The following TESK2 variants were observed in gnomAD, a reference collection of about 807,000 sequenced individuals.
The protein encoded by TESK2 is testis associated actin remodelling kinase 2.
Under a neutral mutation model 57.1 loss-of-function variants are expected in TESK2, and 39 were observed. The observed-to-expected ratio is 0.68, with a 90% CI of 0.53 to 0.89. The LOEUF (loss-of-function observed/expected upper bound fraction) is 0.89. Among genes scored for constraint, TESK2 ranks in the 40% least tolerant of loss-of-function variants. TESK2 has a pLI of 0.00. For synonymous variants in TESK2, 249 were observed against 267.9 expected (o/e 0.93, Z 0.69); for missense variants, 646 against 732.1 (o/e 0.88, Z 1.36).
Position 45,463,528 on chromosome 1 carries a change from T to A in TESK2, c.-86-5657A>T, listed in dbSNP as rs200899039. Reference sequence around the variant, plus strand: ...GTTGAAAATGAGTTCACTGTAGGTATATGGATTTATTTCTGGGTTCTCTAT... The same window carrying A: ...GTTGAAAATGAGTTCACTGTAGGTAAATGGATTTATTTCTGGGTTCTCTAT... On this transcript the variant is annotated intron_variant, in intron 1 of 10. Coordinates refer to ENST00000372086, the MANE Select transcript of TESK2 (RefSeq NM_007170.3). 2.6e-5 allele frequency among the ~76,000 whole-genome samples: 4 copies of A among 152,252 alleles called. No individual in the cohort carries two copies. The East Asian group carries it at 7.7e-4, about 29-fold the overall frequency.
chr1:45,412,655 A>G (rs1162974931), intron 3 of TESK2, among the ~76,000 whole-genome samples: 4 of 152,202 alleles, frequency 2.6e-5, no homozygotes, highest in Non-Finnish European at 5.9e-5. Context: ...TCAATTTCAT[A>G]TTTGGTGAAT....
intron 3 of TESK2, among the ~76,000 whole-genome samples, chr1:45,389,142 A>T (rs1436358351): frequency 2.6e-5 from 4 of 152,196 alleles, no homozygotes. Context: ...GACTGGGCAC[A>T]GTGGTTCATG....
chr1:45,381,007 A>C (rs548013706), intron 4 of TESK2, among the ~76,000 whole-genome samples: 36 of 152,348 alleles, frequency 2.4e-4, no homozygotes, highest in African/African-American at 7.9e-4. Context: ...ACCTGGATGC[A>C]ATCCTACTTT....
At chr1:45,428,868 C>T (rs1248678430) in intron 2 of TESK2, among the ~76,000 whole-genome samples, 2 of 129,222 alleles carry the variant, frequency 1.5e-5, no homozygotes, top group Non-Finnish European at 3.1e-5. Flanking sequence ...GTCACCCAGG[C>T]TGGAGTGCAG....
chr1:45,485,183 G>GT (rs1292259897), intron 1 of TESK2, among the ~76,000 whole-genome samples: 12 of 138,594 alleles, frequency 8.7e-5, no homozygotes, highest in Non-Finnish European at 1.8e-4. Flanking sequence ...TCACTGTTTT[G>GT]TTTTTTGTTT....
intron 4 of TESK2, among the ~76,000 whole-genome samples, chr1:45,375,206 C>T (rs980048173): frequency 6.6e-6 from 1 of 152,110 alleles, no homozygotes; most frequent in Non-Finnish European, 1.5e-5. Flanking sequence ...TGAGTAAAAT[C>T]TAAAGTTCTT....
chr1:45,477,214 C>A (rs1035348204), intron 1 of TESK2, among the ~76,000 whole-genome samples: 1 of 150,174 alleles, frequency 6.7e-6, no homozygotes. Context: ...GCCTGGGTGA[C>A]AGAGTGAGAC....
intron 4 of TESK2, among the ~76,000 whole-genome samples, chr1:45,363,009 C>A (rs955005038): frequency 1.3e-5 from 2 of 151,850 alleles, no homozygotes; most frequent in South Asian, 2.1e-4. Context: ...GTTAGGATAA[C>A]CAAGGCCTGA....
chr1:45,455,549 A>G (rs1652056507), intron 2 of TESK2, among the ~76,000 whole-genome samples: 1 of 152,146 alleles, frequency 6.6e-6, no homozygotes, highest in Non-Finnish European at 1.5e-5. Context: ...CAGCTTATTG[A>G]CTTGCTGTGT....
intron 4 of TESK2, among the ~76,000 whole-genome samples, chr1:45,360,599 A>G (rs1647642389): frequency 7.2e-6 from 1 of 138,480 alleles, no homozygotes; most frequent in Non-Finnish European, 1.6e-5. Flanking sequence ...CACTTGGCTA[A>G]TAGATTCTGG....
At chr1:45,453,561 A>T (rs1171866307) in intron 2 of TESK2, among the ~76,000 whole-genome samples, 1 of 152,186 alleles carries the variant, frequency 6.6e-6, no homozygotes, top group Admixed American at 6.5e-5. Context: ...CAATAACCTA[A>T]ATGTAAGAGC....
intron 2 of TESK2, among the ~76,000 whole-genome samples, chr1:45,452,045 A>AAAAAAAAAAAAAAAAAAAAAAAT (rs1651894300): frequency 4.0e-5 from 6 of 151,558 alleles, no homozygotes; most frequent in Admixed American, 3.3e-4. Flanking sequence ...AAAAAAAAAA[A>AAAAAAAAAAAAAAAAAAAAAAAT]AATTTATTTG....
At chr1:45,384,593 ATTTTTTTTTTTTTT>A (rs59988269) in intron 4 of TESK2, among the ~76,000 whole-genome samples, 4 of 70,886 alleles carry the variant, frequency 5.6e-5, no homozygotes, top group East Asian at 3.9e-4. Flanking sequence ...CTAATTATTA[ATTTTTTTTTTTTTT>A]TTTTTTTTTT....
chr1:45,347,909 G>A lies in TESK2; in HGVS notation c.623+9C>T. ...CCCTTGGACCCCAGCATCCAGTAGG[G>A]CTACACACCTGACATCGGGGATCTT... On this transcript the variant is annotated intron_variant, in intron 6 of 10. Coordinates refer to ENST00000372086, the MANE Select transcript of TESK2 (RefSeq NM_007170.3). 1 of 1,607,726 alleles carries A rather than the reference G, an allele frequency of 6.2e-7. No homozygotes were observed. Among genetic ancestry groups the A allele is most frequent in the Non-Finnish European group, 8.5e-7 (1 of 1,174,136 alleles).
chr1:45,344,928 T>C lies in TESK2; in HGVS notation c.1628A>G (p.Glu543Gly). 6.2e-7 allele frequency: 1 copy of C among 1,614,220 alleles called. No homozygotes were observed. Among genetic ancestry groups the C allele is most frequent in the Non-Finnish European group, 8.5e-7 (1 of 1,180,036 alleles). Residue 543 changes from glutamate (E) to glycine (G), a missense_variant, in exon 11 of 11, where the codon GAG becomes GGG. Coordinates refer to ENST00000372086, the MANE Select transcript of TESK2 (RefSeq NM_007170.3). ...PCPAGASEEM[E>G]VEERPAGSTP... ...TGAGCCTGCTGGCCTTTCTTCTACC[T>C]CCATCTCCTCAGAAGCACCCGCAGG...
At chr1:45,489,080 G>A (rs750939032) in intron 1 of TESK2, among the ~76,000 whole-genome samples, 3 of 150,630 alleles carry the variant, frequency 2.0e-5, no homozygotes, top group East Asian at 3.9e-4. Flanking sequence ...GGGAGGATCC[G>A]AGACTGCACC....
Position 45,345,951 on chromosome 1 carries a change from G to A in TESK2, c.923C>T (p.Thr308Ile). ...LRPSFVEIGK[T>I]LEEILSRLQE... ...TAGGCGGCTCAGAATTTCCTCCAGG[G>A]TCTTCCCAATCTCCACAAAAGATGG... The change falls in exon 10 of 11, where the codon ACC (threonine) becomes ATC (isoleucine). Residue 308 changes from threonine to isoleucine, a missense_variant. Transcript: ENST00000372086. 6.2e-7 allele frequency: 1 copy of A among 1,614,054 alleles called. No homozygotes were observed. The highest frequency in any genetic ancestry group is 8.5e-7 in the Non-Finnish European group (1 of 1,179,996).
In TESK2 at chr1:45,358,116, G is replaced by A. The variant is rs139964456; in HGVS notation, c.394-2667C>T. Among the ~76,000 whole-genome samples, 622 of 150,708 alleles carry A rather than the reference G, an allele frequency of 4.1e-3. 8 individuals are homozygous for A. The highest frequency in any genetic ancestry group is 0.031 in the East Asian group (160 of 5,116). On this transcript the variant is annotated intron_variant, in intron 4 of 10. Coordinates refer to ENST00000372086, the MANE Select transcript of TESK2 (RefSeq NM_007170.3). ...ATCACGAGGTCAGGAGATCGAGACC[G>A]TCCTAGCTAACATGCTGAATCCCCG...
intron 5 of TESK2, among the ~76,000 whole-genome samples, chr1:45,354,808 AAAAAAAAATATATATATATATATATATAT>A (rs1647342526): frequency 1.6e-5 from 1 of 64,286 alleles, no homozygotes; most frequent in Non-Finnish European, 2.7e-5. Flanking sequence ...AAAAAAAAAA[AAAAAAAAATATATATATATATATATATAT>A]ATATATATAT....
Sources: allele counts gnomAD v4.1 joint callset (sites outside exome capture counted in the v4.1 genomes callset), GRCh38; gene constraint gnomAD v4.1.1; transcripts MANE v1.5; gene names NCBI Gene and HGNC (gene_info 2026-07-23, HGNC 2026-07-21).